Variants in CDC27 observed in about 807,000 individuals in gnomAD.
CDC27 encodes the protein cell division cycle protein 27 homolog.
CDC27 carries 27 observed loss-of-function variants against 109.7 expected under a neutral mutation model. That is an observed-to-expected ratio of 0.25 (90% CI 0.18 to 0.34). The LOEUF is 0.34. Ranked by LOEUF, CDC27 falls within the 10% of genes least tolerant of loss-of-function variation. The pLI, the probability that CDC27 is intolerant of heterozygous loss-of-function variation, is 1.00. For missense variants in CDC27, 579 were observed against 960.2 expected (o/e 0.60, Z 5.25); for synonymous variants, 266 against 333.9 (o/e 0.80, Z 2.22).
chr17:47,118,040 G>A lies in CDC27; in HGVS notation c.*2895C>T, dbSNP rs1409642192. On this transcript the variant is annotated 3_prime_UTR_variant, in exon 19 of 19. Transcript: ENST00000066544. ...CAATTTCTGAAATAAGTCAGTTAAA[G>A]CAAAAAGAAGACACAAAATTACATT... 3 of 152,098 alleles carry A rather than the reference G, an allele frequency of 2.0e-5. No homozygotes were observed. The highest frequency in any genetic ancestry group is 4.4e-5 in the Non-Finnish European group (3 of 67,996). The allele number at this position is 152,098 out of a possible 1,614,324, so 9.4% of individuals were successfully genotyped here.
At chr17:47,163,024 G>C (rs2063540585) in intron 4 of CDC27, among the ~76,000 whole-genome samples, 1 of 152,156 alleles carries the variant, frequency 6.6e-6, no homozygotes, top group East Asian at 1.9e-4. Flanking sequence ...AAAGTAAAGT[G>C]CTGGGGTACT....
intron 16 of CDC27, among the ~76,000 whole-genome samples, chr17:47,128,982 G>A (rs553679540): frequency 2.0e-5 from 3 of 152,132 alleles, no homozygotes; most frequent in South Asian, 2.1e-4. Flanking sequence ...CATGTGGCCC[G>A]GCTGGTCTTG....
chr17:47,157,099 G>T lies in CDC27; in HGVS notation c.656C>A (p.Ser219Tyr). 2 of 1,580,802 alleles carry T rather than the reference G, an allele frequency of 1.3e-6. No individual in the cohort carries two copies. The highest frequency in any genetic ancestry group is 1.2e-5 in the South Asian group (1 of 86,502). Reference sequence around the variant, plus strand: ...ATTCAAGGAGTACTTTGAATTGGAAGATTCTAAATTCAATCTGTTTAATTC... The same window carrying T: ...ATTCAAGGAGTACTTTGAATTGGAATATTCTAAATTCAATCTGTTTAATTC... ...TIELNRLNLE[S>Y]SNSKYSLNTD... The change falls in exon 7 of 19, where the codon TCT becomes TAT. Residue 219 changes from serine to tyrosine, a missense_variant. Ser to Tyr is a moderately radical substitution (Grantham distance 144, BLOSUM62 -2). Coordinates refer to ENST00000066544, the MANE Select transcript of CDC27 (RefSeq NM_001256.6).
intron 4 of CDC27, among the ~76,000 whole-genome samples, chr17:47,162,624 T>A (rs972774172): frequency 4.9e-4 from 74 of 152,204 alleles, no homozygotes; most frequent in Non-Finnish European, 1.3e-4. Flanking sequence ...AAACATTGAT[T>A]AAGCAAAGAC....
chr17:47,149,077 C>CAAAAAAAAAAAAAAAAAAAAAAAAAA (rs71138591), intron 9 of CDC27, among the ~76,000 whole-genome samples: 1 of 66,886 alleles, frequency 1.5e-5, no homozygotes, highest in Non-Finnish European at 2.9e-5. Flanking sequence ...GACTCTGTCT[C>CAAAAAAAAAAAAAAAAAAAAAAAAAA]AAAAAAAAAA....
At chr17:47,150,175 T>A (rs1017265273) in intron 9 of CDC27, among the ~76,000 whole-genome samples, 2 of 152,186 alleles carry the variant, frequency 1.3e-5, no homozygotes, top group African/African-American at 2.4e-5. Context: ...AGGCAAACCT[T>A]GATAAGTTAA....
intron 9 of CDC27, 29 bp downstream of exon 9, chr17:47,151,776 GA>G (rs758734901): frequency 6.7e-7 from 1 of 1,489,122 alleles, no homozygotes; most frequent in Admixed American, 2.2e-5. Context: ...TTTATGCCAA[GA>G]AAAGTTGAAT....
At chr17:47,125,778 G>C (rs11570565) in intron 16 of CDC27, among the ~76,000 whole-genome samples, 15,664 of 151,448 alleles carry the variant, frequency 0.1, 923 homozygotes, top group South Asian at 0.2. Flanking sequence ...TCCTGACCTC[G>C]TGATCCACCC....
chr17:47,137,038 A>G, intron 14 of CDC27, 114 bp downstream of exon 14: 1 of 534,728 alleles, frequency 1.9e-6, no homozygotes, highest in Non-Finnish European at 3.2e-6. Flanking sequence ...AGTATGTACC[A>G]TCCCTAAGTA....
intron 1 of CDC27, among the ~76,000 whole-genome samples, chr17:47,186,612 A>C (rs1598626356): frequency 6.6e-6 from 1 of 152,310 alleles, no homozygotes; most frequent in East Asian, 1.9e-4. Context: ...AAATAAAAGA[A>C]CTGACAGAAA....
chr17:47,159,997 G>C, intron 4 of CDC27: 2 of 224,428 alleles, frequency 8.9e-6, no homozygotes, highest in Non-Finnish European at 8.7e-6. Context: ...TGAAACCTCT[G>C]CTTCTTTTTT....
rs745395809 is a variant in CDC27 at position 47,129,361 on chromosome 17, A to G, written c.2160+32T>C. 4.6e-6 allele frequency: 7 copies of G among 1,529,080 alleles called. No individual in the cohort carries two copies. In the African/African-American group the frequency reaches 6.9e-5, roughly 15 times the overall value. 94.7% of individuals were successfully genotyped at this position (1,529,080 alleles called of 1,614,324 possible). A position where few individuals can be genotyped will look rare whatever the true frequency, so the allele number is the denominator to read the frequency against. ...GGATAACGTTGTTTTTAAGCAATAC[A>G]ACACTGAAGACCCTTAAGATATTTA... On this transcript the variant is annotated intron_variant, in intron 16 of 18. Coordinates refer to ENST00000066544, the MANE Select transcript of CDC27 (RefSeq NM_001256.6).
intron 13 of CDC27, among the ~76,000 whole-genome samples, chr17:47,138,137 G>A (rs2062679084): frequency 6.6e-6 from 1 of 152,034 alleles, no homozygotes; most frequent in African/African-American, 2.4e-5. Context: ...GGATCTACCA[G>A]GATGAGTTAT....
intron 4 of CDC27, among the ~76,000 whole-genome samples, chr17:47,164,574 C>T (rs540500513): frequency 3.9e-5 from 6 of 152,212 alleles, no homozygotes; most frequent in African/African-American, 2.4e-5. Context: ...CCCAGCACTT[C>T]GGGAGGCCGA....
At chr17:47,126,896 C>G (rs1185171497) in intron 16 of CDC27, among the ~76,000 whole-genome samples, 1 of 152,030 alleles carries the variant, frequency 6.6e-6, no homozygotes, top group Non-Finnish European at 1.5e-5. Context: ...TGGGTTCAAG[C>G]GATTCTCATG....
intron 16 of CDC27, among the ~76,000 whole-genome samples, chr17:47,128,205 AT>A (rs924519705): frequency 6.7e-6 from 1 of 149,894 alleles, no homozygotes; most frequent in Non-Finnish European, 1.5e-5. Context: ...TAATTTTTGT[AT>A]TTTTGGTAGA....
At chr17:47,157,881 C>T (rs967350449) in intron 5 of CDC27, among the ~76,000 whole-genome samples, 7 of 152,108 alleles carry the variant, frequency 4.6e-5, no homozygotes, top group African/African-American at 1.7e-4. Flanking sequence ...TTATTAATTG[C>T]ATTAGAAATT....
chr17:47,149,147 T>G (rs1199860945), intron 9 of CDC27, among the ~76,000 whole-genome samples: 1 of 144,932 alleles, frequency 6.9e-6, no homozygotes, highest in Admixed American at 6.8e-5. Context: ...AAAATAAAGA[T>G]GAAATAAGAA....
At chr17:47,149,770 C>A (rs1455905193) in intron 9 of CDC27, among the ~76,000 whole-genome samples, 1 of 151,822 alleles carries the variant, frequency 6.6e-6, no homozygotes, top group Non-Finnish European at 1.5e-5. Flanking sequence ...GCCTGGCCAA[C>A]ATCGTGAAAC....
Sources: gnomAD v4.1 joint callset for allele counts (sites outside exome capture counted in the v4.1 genomes callset) on GRCh38, gnomAD v4.1.1 for gene constraint, MANE v1.5 for transcripts, NCBI Gene and HGNC (gene_info 2026-07-23, HGNC 2026-07-21) for gene names.